SH3PXD2B: variants seen among roughly 807,000 people sequenced by gnomAD.
SH3PXD2B encodes SH3 and PX domains 2B, also known as SH3 and PX domain-containing protein 2B.
A neutral mutation model predicts 73.1 loss-of-function variants in SH3PXD2B; 37 were observed. The observed-to-expected ratio is 0.51, with a 90% CI of 0.39 to 0.67. The LOEUF (loss-of-function observed/expected upper bound fraction) is 0.67, where lower values mean the gene tolerates loss of function less well. SH3PXD2B is among the 30% of genes least tolerant of loss of function. The pLI is 0.00. For synonymous variants in SH3PXD2B, 457 were observed against 480.5 expected (o/e 0.95, Z 0.64); for missense variants, 1,053 against 1,197.8 (o/e 0.88, Z 1.78).
At chr5:172,430,678 G>A (rs945769696) in intron 1 of SH3PXD2B, among the ~76,000 whole-genome samples, 3 of 152,264 alleles carry the variant, frequency 2.0e-5, no homozygotes, top group Non-Finnish European at 4.4e-5. Context: ...GAGGAAGAGT[G>A]ACACTGCTCA....
intron 7 of SH3PXD2B, 118 bp downstream of exon 7, chr5:172,362,617 G>C (rs756120876): frequency 7.0e-7 from 1 of 1,435,276 alleles, no homozygotes; most frequent in Non-Finnish European, 9.8e-7. Flanking sequence ...CCCTCAGCAG[G>C]ATCTATGGGA....
intron 4 of SH3PXD2B, among the ~76,000 whole-genome samples, chr5:172,387,356 T>A (rs1758083445): frequency 6.6e-6 from 1 of 152,250 alleles, no homozygotes; most frequent in Non-Finnish European, 1.5e-5. Context: ...TTAGCTGTCT[T>A]CATTGTGGAT....
chr5:172,329,540 C>CTTTTTTTTTTTTTTTTTTT (rs370876232), downstream of SH3PXD2B, among the ~76,000 whole-genome samples: 195 of 106,428 alleles, frequency 1.8e-3, 31 homozygotes, highest in East Asian at 0.015. Flanking sequence ...CTTTGTTATT[C>CTTTTTTTTTTTTTTTTTTT]TTTTTTTTTT....
chr5:172,357,373 G>A (rs1044384608), intron 8 of SH3PXD2B, among the ~76,000 whole-genome samples: 7 of 151,558 alleles, frequency 4.6e-5, no homozygotes, highest in Non-Finnish European at 8.8e-5. Context: ...GCAGTGAGCC[G>A]AGATCATGCC....
intron 10 of SH3PXD2B, among the ~76,000 whole-genome samples, chr5:172,348,754 T>G (rs1757085046): frequency 6.6e-6 from 1 of 152,068 alleles, no homozygotes; most frequent in African/African-American, 2.4e-5. Flanking sequence ...TTGCCCAGGC[T>G]GGAATGCAGT....
rs535638744 is a variant in SH3PXD2B at position 172,342,980 on chromosome 5, G to A, written c.1189-3064C>T. On this transcript the variant is annotated intron_variant, in intron 12 of 12. Coordinates refer to ENST00000311601, the MANE Select transcript of SH3PXD2B (RefSeq NM_001017995.3). ...CTGAGTGGCCTGGGGCAAGCCACGT[G>A]CCTCAGATTCCACATCACAGAAGGA... 4.6e-5 allele frequency among the ~76,000 whole-genome samples: 7 copies of A among 152,352 alleles called. No individual in the cohort carries two copies. In the South Asian group the frequency reaches 1.0e-3, roughly 23 times the overall value.
At chr5:172,367,216 G>A (rs1381679770) in intron 6 of SH3PXD2B, among the ~76,000 whole-genome samples, 1 of 149,816 alleles carries the variant, frequency 6.7e-6, no homozygotes, top group Non-Finnish European at 1.5e-5. Flanking sequence ...GGGATTACAG[G>A]CTTGAGCCAC....
At chr5:172,376,189 C>T (rs1304215666) in intron 5 of SH3PXD2B, among the ~76,000 whole-genome samples, 2 of 152,092 alleles carry the variant, frequency 1.3e-5, no homozygotes, top group Non-Finnish European at 2.9e-5. Context: ...ACCACCACGC[C>T]TGGCTCTTTT....
At chr5:172,395,041 T>G (rs1288983489) in intron 3 of SH3PXD2B, among the ~76,000 whole-genome samples, 2 of 152,056 alleles carry the variant, frequency 1.3e-5, no homozygotes, top group Non-Finnish European at 2.9e-5. Context: ...CAGCAATAGT[T>G]CAGTCTCCTC....
At chr5:172,422,532 A>C in intron 1 of SH3PXD2B, 36 bp from the exon 2 acceptor site, 1 of 1,584,912 alleles carries the variant, frequency 6.3e-7, no homozygotes, top group Non-Finnish European at 8.6e-7. Flanking sequence ...TGTTAACACC[A>C]GAAGGTGGTC....
downstream of SH3PXD2B, among the ~76,000 whole-genome samples, chr5:172,331,524 G>C (rs1294893809): frequency 6.6e-6 from 1 of 152,208 alleles, no homozygotes; most frequent in African/African-American, 2.4e-5. Flanking sequence ...AGAAGGAATG[G>C]ACATTGAAGA....
In SH3PXD2B at chr5:172,334,223, G is replaced by C; in HGVS notation, c.*4146C>G. The C allele has an allele frequency of 9.2e-7, 1 of 1,086,930 alleles. No individual in the cohort carries two copies. Among genetic ancestry groups the C allele is most frequent in the Non-Finnish European group, 1.1e-6 (1 of 894,776 alleles). The allele number at this position is 1,086,930 out of a possible 1,614,324, so 67.3% of individuals were successfully genotyped here. A position where few individuals can be genotyped will look rare whatever the true frequency, so the allele number is the denominator to read the frequency against. On this transcript the variant is annotated 3_prime_UTR_variant, in exon 13 of 13. Transcript: ENST00000311601. ...AACCAGATGCCACCCCACGGAGCTG[G>C]GCAGTCCAGTCTGTAGAAAGGTGCT...
Position 172,333,650 on chromosome 5 carries a change from T to C in SH3PXD2B, c.*4719A>G, listed in dbSNP as rs552184538. 7.8e-7 allele frequency: 1 copy of C among 1,289,316 alleles called. No homozygotes were observed. Among genetic ancestry groups the C allele is most frequent in the African/African-American group, 1.5e-5 (1 of 65,970 alleles). The allele number at this position is 1,289,316 out of a possible 1,614,324, so 79.9% of individuals were successfully genotyped here. ...ATCCTATATACTCATTTATTTAATG[T>C]GTTAAAGGAAACAAAAACCACCACC... On this transcript the variant is annotated 3_prime_UTR_variant, in exon 13 of 13. Coordinates refer to ENST00000311601, the MANE Select transcript of SH3PXD2B (RefSeq NM_001017995.3).
chr5:172,413,831 G>A (rs1267914573), intron 2 of SH3PXD2B, among the ~76,000 whole-genome samples: 4 of 152,254 alleles, frequency 2.6e-5, no homozygotes, highest in African/African-American at 9.6e-5. Context: ...ACACGTTGGA[G>A]GCATACTCCA....
At chr5:172,405,465 C>A (rs1486440846) in intron 3 of SH3PXD2B, among the ~76,000 whole-genome samples, 1 of 152,172 alleles carries the variant, frequency 6.6e-6, no homozygotes, top group East Asian at 1.9e-4. Context: ...GATTTGCTGC[C>A]CCACTGTTGG....
intron 8 of SH3PXD2B, 64 bp from the exon 9 acceptor site, chr5:172,354,069 C>T: frequency 1.4e-6 from 2 of 1,448,556 alleles, no homozygotes; most frequent in Non-Finnish European, 1.9e-6. Flanking sequence ...TGCCGTAATC[C>T]CCGTGATGCC....
chr5:172,366,537 C>T (rs1455806523), intron 6 of SH3PXD2B, among the ~76,000 whole-genome samples: 1 of 152,262 alleles, frequency 6.6e-6, no homozygotes, highest in Non-Finnish European at 1.5e-5. Context: ...ACCTCTCCTT[C>T]TTATTTCAGT....
At chr5:172,369,496 G>A (rs985290534) in intron 6 of SH3PXD2B, among the ~76,000 whole-genome samples, 3 of 152,116 alleles carry the variant, frequency 2.0e-5, no homozygotes, top group Admixed American at 6.5e-5. Context: ...TTTGCCGGGC[G>A]CAGTGGCTCA....
At chr5:172,349,916 T>G (rs926925509) in intron 10 of SH3PXD2B, among the ~76,000 whole-genome samples, 8 of 152,038 alleles carry the variant, frequency 5.3e-5, no homozygotes, top group African/African-American at 1.9e-4. Flanking sequence ...AGTGCAATGG[T>G]GCATCTTGGC....
Sources: allele counts gnomAD v4.1 joint callset (sites outside exome capture counted in the v4.1 genomes callset), GRCh38; gene constraint gnomAD v4.1.1; transcripts MANE v1.5; gene names NCBI Gene and HGNC (gene_info 2026-07-23, HGNC 2026-07-21).